The following ARPP21 variants were observed in gnomAD, a reference collection of about 807,000 sequenced individuals.
ARPP21 encodes cAMP regulated phosphoprotein 21, also known as cAMP-regulated phosphoprotein 21.
ARPP21 carries 69 observed loss-of-function variants against 113.2 expected under a neutral mutation model. The ratio of observed to expected loss-of-function variants is 0.61; its 90% CI spans 0.50 to 0.74. The LOEUF (loss-of-function observed/expected upper bound fraction) is 0.74. Ranked by LOEUF, ARPP21 falls within the 30% of genes least tolerant of loss-of-function variation. The probability of loss-of-function intolerance (pLI) is 0.00; values close to 1 mark genes in which losing one functional copy is unlikely to be tolerated. For missense variants in ARPP21, 1,070 were observed against 1,037.4 expected (o/e 1.03, Z -0.43); for synonymous variants, 368 against 375.5 (o/e 0.98, Z 0.23).
chr3:35,749,143 G>T (rs1385883101), intron 19 of ARPP21, among the ~76,000 whole-genome samples: 3 of 152,150 alleles, frequency 2.0e-5, no homozygotes, highest in African/African-American at 7.2e-5. Context: ...TTAGTTAATT[G>T]TTCAAGTACA....
chr3:35,748,106 GAAAGAAGA>G (rs765743010), intron 19 of ARPP21, among the ~76,000 whole-genome samples: 1,608 of 127,810 alleles, frequency 0.013, 15 homozygotes, highest in Non-Finnish European at 0.016. Context: ...AAGAAAGAAA[GAAAGAAGA>G]AAGAAAGAAA....
chr3:35,679,278 A>G (rs1425491846), intron 1 of ARPP21, among the ~76,000 whole-genome samples: 1 of 151,858 alleles, frequency 6.6e-6, no homozygotes, highest in East Asian at 1.9e-4. Flanking sequence ...CTTTTTTTTA[A>G]CTTTTATAGA....
chr3:35,685,019 G>T, intron 5 of ARPP21: 1 of 984,722 alleles, frequency 1.0e-6, no homozygotes, highest in Non-Finnish European at 1.2e-6. Flanking sequence ...ATTATTAAAT[G>T]TTGATTGATG....
Position 35,781,283 on chromosome 3 carries a change from T to G in ARPP21, c.2138-11099T>G, listed in dbSNP as rs534623963. 2.7e-3 allele frequency among the ~76,000 whole-genome samples: 414 copies of G among 152,246 alleles called. 2 individuals carry two copies. The highest frequency in any genetic ancestry group is 5.0e-3 in the Non-Finnish European group (339 of 68,026). Reference sequence around the variant, plus strand: ...AAGTATTGCCTTTGAATGCCTTGAGTTGAAGGGAAAAGTTAACGAGTGAAT... The same window carrying G: ...AAGTATTGCCTTTGAATGCCTTGAGGTGAAGGGAAAAGTTAACGAGTGAAT... On this transcript the variant is annotated intron_variant, in intron 19 of 20. Coordinates refer to ENST00000684406, the MANE Select transcript of ARPP21 (RefSeq NM_001385562.1).
chr3:35,724,579 A>G (rs2093384037), intron 14 of ARPP21, among the ~76,000 whole-genome samples: 1 of 152,210 alleles, frequency 6.6e-6, no homozygotes, highest in Admixed American at 6.5e-5. Flanking sequence ...GTTGATGCCA[A>G]TGCTCCTTGC....
chr3:35,784,354 G>C (rs574310664), intron 19 of ARPP21, among the ~76,000 whole-genome samples: 1 of 152,198 alleles, frequency 6.6e-6, no homozygotes, highest in Non-Finnish European at 1.5e-5. Context: ...GCCCTTTGAG[G>C]CTTGAAAGTA....
At chr3:35,668,370 G>A (rs1207846393) in intron 1 of ARPP21, among the ~76,000 whole-genome samples, 1 of 152,084 alleles carries the variant, frequency 6.6e-6, no homozygotes, top group East Asian at 1.9e-4. Flanking sequence ...AGAGCAAATA[G>A]CCAATGTAGT....
intron 19 of ARPP21, among the ~76,000 whole-genome samples, chr3:35,776,837 C>A (rs1392402345): frequency 6.6e-6 from 1 of 152,118 alleles, no homozygotes; most frequent in East Asian, 1.9e-4. Context: ...GGCCCAAGTG[C>A]CTTTCTAGGT....
chr3:35,667,967 AAGAAGAAG>A (rs1559549258), intron 1 of ARPP21, among the ~76,000 whole-genome samples: 7 of 107,462 alleles, frequency 6.5e-5, no homozygotes, highest in African/African-American at 2.5e-4. Context: ...GAAGAAGAAG[AAGAAGAAG>A]AAGAAGAAGA....
At chr3:35,686,130 G>A (rs995401353) in intron 5 of ARPP21, among the ~76,000 whole-genome samples, 2 of 151,596 alleles carry the variant, frequency 1.3e-5, no homozygotes, top group Admixed American at 6.6e-5. Flanking sequence ...GATGACCTTC[G>A]TGGCCTGGGA....
intron 19 of ARPP21, 38 bp from the exon 20 acceptor site, chr3:35,792,344 T>C (rs552812074): frequency 6.2e-7 from 1 of 1,606,572 alleles, no homozygotes; most frequent in Admixed American, 1.7e-5. Context: ...CTGTGTTCTT[T>C]CTGCACAACC....
intron 14 of ARPP21, among the ~76,000 whole-genome samples, chr3:35,728,257 C>T (rs1305469742): frequency 4.0e-5 from 5 of 124,340 alleles, no homozygotes; most frequent in East Asian, 2.3e-4. Flanking sequence ...CTGACTCTGT[C>T]GCCCAGGCTG....
chr3:35,777,247 A>G (rs2096399506), intron 19 of ARPP21, among the ~76,000 whole-genome samples: 1 of 152,196 alleles, frequency 6.6e-6, no homozygotes, highest in Admixed American at 6.5e-5. Context: ...AGTGGAAACT[A>G]ATGGTAACTA....
chr3:35,684,013 T>C (rs759515161), intron 5 of ARPP21, 198 bp downstream of exon 5: 23 of 1,579,914 alleles, frequency 1.5e-5, no homozygotes, highest in Non-Finnish European at 2.0e-5. Flanking sequence ...AAATTTGTTT[T>C]TTTCCAGACT....
intron 11 of ARPP21, among the ~76,000 whole-genome samples, chr3:35,712,683 A>C (rs1271792904): frequency 6.6e-6 from 1 of 152,090 alleles, no homozygotes; most frequent in Non-Finnish European, 1.5e-5. Context: ...GAGAATTTTG[A>C]GATTTTGAGA....
chr3:35,713,195 C>T (rs144978583), intron 11 of ARPP21, among the ~76,000 whole-genome samples: 6 of 152,134 alleles, frequency 3.9e-5, no homozygotes, highest in African/African-American at 1.4e-4. Context: ...CACTTAATTA[C>T]TGTGACAATT....
intron 19 of ARPP21, among the ~76,000 whole-genome samples, chr3:35,773,080 G>T (rs992031804): frequency 2.6e-5 from 4 of 152,020 alleles, no homozygotes; most frequent in African/African-American, 9.7e-5. Context: ...ACTCAAGCAG[G>T]GTCTTGAAAA....
intron 1 of ARPP21, among the ~76,000 whole-genome samples, chr3:35,674,043 A>G (rs568380668): frequency 2.0e-5 from 3 of 152,126 alleles, no homozygotes; most frequent in African/African-American, 7.2e-5. Flanking sequence ...CTGAAAATAA[A>G]TAATGAATTG....
intron 19 of ARPP21, among the ~76,000 whole-genome samples, chr3:35,764,546 T>C (rs866888420): frequency 1.3e-5 from 2 of 152,162 alleles, no homozygotes; most frequent in Admixed American, 6.5e-5. Context: ...CGAGGTGAGA[T>C]ACTGATTTAT....
Sources: allele counts gnomAD v4.1 joint callset (sites outside exome capture counted in the v4.1 genomes callset), GRCh38; gene constraint gnomAD v4.1.1; transcripts MANE v1.5; gene names NCBI Gene and HGNC (gene_info 2026-07-23, HGNC 2026-07-21).